The following LRRC53 variants were observed in gnomAD, a reference collection of about 807,000 sequenced individuals.
The protein encoded by LRRC53 is leucine rich repeat containing 53.
A neutral mutation model predicts 13.6 loss-of-function variants in LRRC53; 25 were observed. The ratio of observed to expected loss-of-function variants is 1.83; its 90% CI spans 1.34 to 2.56. LRRC53 has a LOEUF of 2.56. LRRC53 is among the 30% of genes most tolerant of loss of function. The probability of loss-of-function intolerance (pLI) is 0.00; values close to 1 mark genes in which losing one functional copy is unlikely to be tolerated. For missense variants in LRRC53, 527 were observed against 275.8 expected (o/e 1.91, Z -6.45); for synonymous variants, 204 against 109.8 (o/e 1.86, Z -5.37).
At chr1:74,502,680 C>G (rs972503355) in intron 1 of LRRC53, among the ~76,000 whole-genome samples, 7 of 152,162 alleles carry the variant, frequency 4.6e-5, no homozygotes, top group Admixed American at 1.3e-4. Context: ...GGCCAATAGC[C>G]TTTGATTGGA....
At chr1:74,530,839 G>C in the LRRC53 span, among the ~76,000 whole-genome samples, 4 of 151,980 alleles carry the variant, frequency 2.6e-5, no homozygotes, top group East Asian at 7.7e-4. Context: ...GCCTCTTAAT[G>C]GTTTGCTCAG....
At chr1:74,521,268 T>C in the LRRC53 span, among the ~76,000 whole-genome samples, 1 of 152,186 alleles carries the variant, frequency 6.6e-6, no homozygotes, top group Non-Finnish European at 1.5e-5. Flanking sequence ...CCCAAGCTCA[T>C]TAACTTCTTT....
At chr1:74,483,213 T>A in intron 2 of LRRC53, 49 bp downstream of exon 2, 1 of 712,440 alleles carries the variant, frequency 1.4e-6, no homozygotes, top group East Asian at 2.7e-5. Context: ...TGGCAACCAA[T>A]TTTCCAGGTA....
chr1:74,535,055 G>A, the LRRC53 span, among the ~76,000 whole-genome samples: 1 of 152,082 alleles, frequency 6.6e-6, no homozygotes, highest in Admixed American at 6.6e-5. Context: ...ATTCAGCCCT[G>A]GCCAAATGTT....
chr1:74,493,613 C>T (rs974563815), intron 1 of LRRC53, among the ~76,000 whole-genome samples: 5 of 152,160 alleles, frequency 3.3e-5, no homozygotes, highest in African/African-American at 1.2e-4. Context: ...CAATCATAAT[C>T]ATTTATTTCT....
intron 1 of LRRC53, among the ~76,000 whole-genome samples, chr1:74,506,205 G>A (rs1669892379): frequency 6.6e-6 from 1 of 152,202 alleles, no homozygotes; most frequent in Admixed American, 6.5e-5. Flanking sequence ...GAACAGAAAT[G>A]TGTATTCAAA....
intron 1 of LRRC53, among the ~76,000 whole-genome samples, chr1:74,505,240 T>C (rs1033316706): frequency 1.3e-5 from 2 of 152,170 alleles, no homozygotes; most frequent in Non-Finnish European, 1.5e-5. Flanking sequence ...CTGAAATATC[T>C]GACAGGACAA....
At chr1:74,512,971 G>A (rs1281001809), upstream of LRRC53, among the ~76,000 whole-genome samples, 2 of 152,142 alleles carry the variant, frequency 1.3e-5, no homozygotes, top group African/African-American at 4.8e-5. Context: ...AACTATAGAC[G>A]ACTTTTGCCC....
At chr1:74,488,662 T>C (rs1668888203) in intron 1 of LRRC53, among the ~76,000 whole-genome samples, 1 of 152,212 alleles carries the variant, frequency 6.6e-6, no homozygotes, top group Non-Finnish European at 1.5e-5. Context: ...TAATGGGCAA[T>C]ATTTTTAATG....
chr1:74,478,420 G>A (rs905822279), intron 3 of LRRC53, among the ~76,000 whole-genome samples: 1 of 152,084 alleles, frequency 6.6e-6, no homozygotes, highest in African/African-American at 2.4e-5. Context: ...TACTAATAAA[G>A]AACTGTTAAT....
At chr1:74,533,595 A>G in the LRRC53 span, among the ~76,000 whole-genome samples, 1 of 152,194 alleles carries the variant, frequency 6.6e-6, no homozygotes, top group Non-Finnish European at 1.5e-5. Flanking sequence ...TCATGCTGCT[A>G]TAAAGACACA....
intron 1 of LRRC53, among the ~76,000 whole-genome samples, chr1:74,499,830 G>C (rs1669518070): frequency 6.6e-6 from 1 of 152,016 alleles, no homozygotes; most frequent in Non-Finnish European, 1.5e-5. Context: ...CTTTTAGTAA[G>C]AGTTTACAAT....
intron 4 of LRRC53, among the ~76,000 whole-genome samples, chr1:74,474,732 C>A (rs1249551361): frequency 1.3e-5 from 2 of 152,122 alleles, no homozygotes; most frequent in Non-Finnish European, 2.9e-5. Flanking sequence ...CGGCCAGATT[C>A]ACTTGGCTCC....
At chr1:74,503,572 G>A (rs1010901968) in intron 1 of LRRC53, among the ~76,000 whole-genome samples, 2 of 152,068 alleles carry the variant, frequency 1.3e-5, no homozygotes, top group African/African-American at 2.4e-5. Context: ...CCTAAATCTA[G>A]GGACAAGACC....
intron 1 of LRRC53, among the ~76,000 whole-genome samples, chr1:74,492,941 C>A (rs1229067751): frequency 2.0e-5 from 3 of 152,268 alleles, no homozygotes; most frequent in Non-Finnish European, 4.4e-5. Flanking sequence ...TTCTAGAAAT[C>A]CACCTTTTTT....
intron 1 of LRRC53, among the ~76,000 whole-genome samples, chr1:74,512,098 G>T (rs1414138897): frequency 3.3e-5 from 5 of 152,188 alleles, no homozygotes; most frequent in Non-Finnish European, 7.3e-5. Context: ...AGCATGAAAA[G>T]ATCTGGATGG....
intron 1 of LRRC53, among the ~76,000 whole-genome samples, chr1:74,497,425 T>C (rs763189029): frequency 7.9e-5 from 12 of 152,070 alleles, no homozygotes; most frequent in Non-Finnish European, 1.5e-4. Flanking sequence ...CATCCCTAAC[T>C]TCTTGTCAAC....
intron 1 of LRRC53, 60 bp from the exon 2 acceptor site, chr1:74,483,435 CT>C: frequency 1.4e-6 from 1 of 692,078 alleles, no homozygotes; most frequent in Non-Finnish European, 2.7e-6. Context: ...TCCATTATTT[CT>C]GTACATACAG....
intron 4 of LRRC53, among the ~76,000 whole-genome samples, chr1:74,474,528 A>C (rs1668096919): frequency 2.6e-5 from 4 of 152,120 alleles, no homozygotes; most frequent in Non-Finnish European, 1.5e-5. Context: ...TGTCATTCAT[A>C]CTCTTAGAGA....
Sources: allele counts gnomAD v4.1 joint callset (sites outside exome capture counted in the v4.1 genomes callset), GRCh38; gene constraint gnomAD v4.1.1; transcripts MANE v1.5; gene names NCBI Gene and HGNC (gene_info 2026-07-23, HGNC 2026-07-21).